The following PHACTR3 variants were observed in gnomAD, a reference collection of about 807,000 sequenced individuals.
The protein encoded by PHACTR3 is phosphatase and actin regulator 3, also known as protein phosphatase 1, regulatory subunit 123.
Under a neutral mutation model 66.8 loss-of-function variants are expected in PHACTR3, and 16 were observed. The ratio of observed to expected loss-of-function variants is 0.24; its 90% confidence interval spans 0.16 to 0.36. The LOEUF is 0.36. Ranked by LOEUF, PHACTR3 falls within the 10% of genes least tolerant of loss-of-function variation. The pLI, the probability that PHACTR3 is intolerant of heterozygous loss-of-function variation, is 1.00. For synonymous variants in PHACTR3, 323 were observed against 292.1 expected (o/e 1.11, Z -1.08); for missense variants, 647 against 719.9 (o/e 0.90, Z 1.16).
chr20:59,831,834 T>A (rs1187438825), intron 8 of PHACTR3, among the ~76,000 whole-genome samples: 2 of 152,206 alleles, frequency 1.3e-5, no homozygotes, highest in African/African-American at 4.8e-5. Context: ...CGACACAGGC[T>A]GCTCCCCTTG....
chr20:59,812,298 T>C (rs1029503106), intron 8 of PHACTR3, among the ~76,000 whole-genome samples: 1 of 152,230 alleles, frequency 6.6e-6, no homozygotes, highest in African/African-American at 2.4e-5. Context: ...CAGTAGCATC[T>C]TTCAGGAGGG....
intron 1 of PHACTR3, among the ~76,000 whole-genome samples, chr20:59,678,467 C>G (rs565058294): frequency 6.6e-6 from 1 of 152,148 alleles, no homozygotes; most frequent in Non-Finnish European, 1.5e-5. Flanking sequence ...CTGTCTAGGG[C>G]CTCTTAGGAC....
intron 1 of PHACTR3, among the ~76,000 whole-genome samples, chr20:59,712,636 T>C (rs1374766706): frequency 6.6e-6 from 1 of 152,232 alleles, no homozygotes. Flanking sequence ...ATCATAGCAT[T>C]GGCCAGATAG....
chr20:59,643,202 C>T (rs569246607), intron 1 of PHACTR3, among the ~76,000 whole-genome samples: 49 of 152,194 alleles, frequency 3.2e-4, no homozygotes, highest in African/African-American at 1.1e-3. Context: ...TGAGCCACTG[C>T]GCCGGCCTAA....
At chr20:59,691,061 C>G (rs530800093) in intron 1 of PHACTR3, among the ~76,000 whole-genome samples, 1 of 152,088 alleles carries the variant, frequency 6.6e-6, no homozygotes, top group Non-Finnish European at 1.5e-5. Flanking sequence ...CTGATACTAT[C>G]AAGAAAGAGG....
At chr20:59,682,763 G>A (rs569940878) in intron 1 of PHACTR3, among the ~76,000 whole-genome samples, 1 of 152,266 alleles carries the variant, frequency 6.6e-6, no homozygotes, top group Admixed American at 6.5e-5. Flanking sequence ...AAGACGCCCC[G>A]AATAAGAGCC....
At chr20:59,799,929 T>A (rs1366206140) in intron 7 of PHACTR3, among the ~76,000 whole-genome samples, 1 of 152,192 alleles carries the variant, frequency 6.6e-6, no homozygotes, top group East Asian at 1.9e-4. Flanking sequence ...CCACTTTATC[T>A]CCTCTGTTGG....
intron 7 of PHACTR3, among the ~76,000 whole-genome samples, chr20:59,797,369 GT>G (rs146954073): frequency 3.7e-4 from 54 of 146,458 alleles, no homozygotes; most frequent in Middle Eastern, 3.5e-3. Flanking sequence ...AATTATTGTG[GT>G]TTTTTTTTTG....
intron 1 of PHACTR3, among the ~76,000 whole-genome samples, chr20:59,669,229 C>T (rs1353408922): frequency 2.6e-5 from 4 of 152,150 alleles, no homozygotes; most frequent in African/African-American, 7.2e-5. Context: ...GTGTGACCCC[C>T]GGTGTGGAGT....
chr20:59,610,292 C>G (rs1417465223), intron 1 of PHACTR3, among the ~76,000 whole-genome samples: 3 of 152,174 alleles, frequency 2.0e-5, no homozygotes, highest in Non-Finnish European at 4.4e-5. Flanking sequence ...CCCCTTCTCA[C>G]CCTAACACCA....
intron 7 of PHACTR3, among the ~76,000 whole-genome samples, chr20:59,788,631 G>A (rs1182513): frequency 0.97 from 148,394 of 152,232 alleles, 72,356 homozygotes; most frequent in East Asian, 1. Context: ...TATGTGGATC[G>A]TCACAAATCT....
At chr20:59,711,031 C>G (rs2037895693) in intron 1 of PHACTR3, among the ~76,000 whole-genome samples, 1 of 152,148 alleles carries the variant, frequency 6.6e-6, no homozygotes, top group African/African-American at 2.4e-5. Flanking sequence ...TATTTTCATT[C>G]ATCTTTCATG....
At chr20:59,839,963 T>C (rs561748161) in intron 9 of PHACTR3, among the ~76,000 whole-genome samples, 22 of 152,342 alleles carry the variant, frequency 1.4e-4, no homozygotes, top group African/African-American at 4.6e-4. Flanking sequence ...TATATTGAAA[T>C]GTACATATAC....
chr20:59,845,317 G>A (rs774806802), intron 12 of PHACTR3, 52 bp downstream of exon 12: 38 of 1,149,962 alleles, frequency 3.3e-5, no homozygotes, highest in East Asian at 5.1e-5. Context: ...AACACACACC[G>A]CCTTCCCCCG....
At chr20:59,741,506 C>T (rs1489426489) in intron 1 of PHACTR3, among the ~76,000 whole-genome samples, 1 of 152,200 alleles carries the variant, frequency 6.6e-6, no homozygotes, top group Non-Finnish European at 1.5e-5. Flanking sequence ...GCAATGTGCT[C>T]ATCTATTCTC....
chr20:59,708,332 T>A (rs1453562822), intron 1 of PHACTR3, among the ~76,000 whole-genome samples: 1 of 152,118 alleles, frequency 6.6e-6, no homozygotes, highest in African/African-American at 2.4e-5. Flanking sequence ...GGACGCTGCT[T>A]ATGGAAGTTC....
chr20:59,733,573 G>T (rs945968339), intron 1 of PHACTR3, among the ~76,000 whole-genome samples: 2 of 152,188 alleles, frequency 1.3e-5, no homozygotes, highest in African/African-American at 2.4e-5. Flanking sequence ...GTTATCATCT[G>T]CTCTGTGTCA....
chr20:59,664,308 C>T (rs1402830308), intron 1 of PHACTR3, among the ~76,000 whole-genome samples: 1 of 152,164 alleles, frequency 6.6e-6, no homozygotes, highest in East Asian at 1.9e-4. Context: ...AGCAACCCAC[C>T]TCCATGGCCA....
intron 7 of PHACTR3, among the ~76,000 whole-genome samples, chr20:59,794,952 A>G (rs1375676650): frequency 1.3e-5 from 2 of 152,054 alleles, no homozygotes; most frequent in African/African-American, 4.8e-5. Flanking sequence ...TGTCTTTTCA[A>G]AAAAACCTCA....
Sources: gnomAD v4.1 joint callset for allele counts (sites outside exome capture counted in the v4.1 genomes callset) on GRCh38, gnomAD v4.1.1 for gene constraint, MANE v1.5 for transcripts, NCBI Gene and HGNC (gene_info 2026-07-23, HGNC 2026-07-21) for gene names.